The following MATK variants were observed in gnomAD, a reference collection of about 807,000 sequenced individuals.
MATK encodes megakaryocyte-associated tyrosine kinase.
Under a neutral mutation model 59.8 loss-of-function variants are expected in MATK, and 41 were observed. The observed-to-expected ratio is 0.69, with a 90% CI of 0.53 to 0.89. MATK has a LOEUF of 0.89. MATK is among the 40% of genes least tolerant of loss of function. The probability of loss-of-function intolerance (pLI) is 0.00; values close to 1 mark genes in which losing one functional copy is unlikely to be tolerated. For synonymous variants in MATK, 308 were observed against 306.1 expected (o/e 1.01, Z -0.06); for missense variants, 593 against 719.6 (o/e 0.82, Z 2.01).
At chr19:3,787,379 C>G (rs571320314), upstream of MATK, 43 of 149,140 alleles carry the variant, frequency 2.9e-4, no homozygotes, top group African/African-American at 1.0e-3. Flanking sequence ...GGCCACTTTG[C>G]CTTTTTTTTT....
chr19:3,790,057 A>G (rs67347528), upstream of MATK, among the ~76,000 whole-genome samples: 53,044 of 151,918 alleles, frequency 0.35, 9,555 homozygotes, highest in Admixed American at 0.42. Context: ...GCCCGCCACC[A>G]TGCCCAGCTA....
intron 8 of MATK, among the ~76,000 whole-genome samples, chr19:3,780,593 A>ATT (rs753906037): frequency 3.6e-4 from 44 of 122,214 alleles, no homozygotes; most frequent in Middle Eastern, 4.5e-3. Context: ...CGCCCGGCTA[A>ATT]TTTTTTTTTT....
At chr19:3,797,984 G>A (rs898575575) in intron 1 of MATK, among the ~76,000 whole-genome samples, 8 of 152,110 alleles carry the variant, frequency 5.3e-5, no homozygotes, top group Admixed American at 5.2e-4. Context: ...GAAGTTTGCA[G>A]TGAGCCAAGA....
At chr19:3,781,491 C>T in intron 8 of MATK, 116 bp downstream of exon 8, 1 of 1,084,592 alleles carries the variant, frequency 9.2e-7, no homozygotes, top group Non-Finnish European at 1.4e-6. Context: ...TGCACGTCTT[C>T]AGCTGCACAA....
rs769602662 is a variant in MATK, at chr19:3,781,595, TCC to T, written c.742+10_742+11del. 4 of 1,613,780 alleles carry T rather than the reference TCC, an allele frequency of 2.5e-6. No individual in the cohort carries two copies. In the South Asian group the frequency reaches 4.4e-5, roughly 18 times the overall value. ...TCTTCCTTCAGCACCCCCAACCCAG[TCC>T]GCCACTCACCTCCAAACTCTCCCTC... On this transcript the variant is annotated intron_variant, in intron 8 of 13. Transcript: ENST00000310132.
chr19:3,781,074 G>C (rs1261221867), intron 8 of MATK, among the ~76,000 whole-genome samples: 1 of 152,166 alleles, frequency 6.6e-6, no homozygotes, highest in Non-Finnish European at 1.5e-5. Context: ...CAAAAGATGA[G>C]TGCTGTTTCA....
rs747977154 is a variant in MATK at position 3,785,063 on chromosome 19, C to G, written c.72+1G>C. 5.6e-6 allele frequency: 9 copies of G among 1,613,860 alleles called. No homozygotes were observed. Among genetic ancestry groups the G allele is most frequent in the Non-Finnish European group, 1.7e-6 (2 of 1,179,902 alleles). On this transcript the variant is annotated splice_donor_variant, in intron 2 of 13. Transcript: ENST00000310132. LOFTEE classifies it high-confidence loss of function. The stretch of plus-strand genomic sequence containing the variant: ...AGCCCCTGTGGGGAAGTGATCTTTA[C>G]CCGGGGAAGTTCCTCAGCAGAATCA...
intron 1 of MATK, among the ~76,000 whole-genome samples, chr19:3,794,885 C>G (rs946317910): frequency 2.0e-5 from 3 of 151,998 alleles, no homozygotes; most frequent in African/African-American, 4.8e-5. Context: ...CCATAGATAA[C>G]ACAGAAGCCA....
chr19:3,793,592 CTCGGG>C (rs1014460298), intron 1 of MATK, among the ~76,000 whole-genome samples: 30 of 152,052 alleles, frequency 2.0e-4, no homozygotes, highest in African/African-American at 7.0e-4. Context: ...GTCCCAGCTA[CTCGGG>C]AGGCTGAGGC....
Position 3,781,678 on chromosome 19 carries a change from G to GA in MATK, c.677-7dup. On this transcript the variant is annotated splice_polypyrimidine_tract_variant and splice_region_variant and intron_variant, in intron 7 of 13. Transcript: ENST00000310132. ...CAGGTTCAGTAACCAGCCCGCTGTG[G>GA]AGTGAAGACCCAGTCAGAGGGGTAA... 6.2e-7 allele frequency: 1 copy of GA among 1,612,660 alleles called. No individual in the cohort carries two copies. Among genetic ancestry groups the GA allele is most frequent in the Non-Finnish European group, 8.5e-7 (1 of 1,179,746 alleles).
At chr19:3,796,545 T>C (rs2037596235) in intron 1 of MATK, among the ~76,000 whole-genome samples, 1 of 152,202 alleles carries the variant, frequency 6.6e-6, no homozygotes, top group African/African-American at 2.4e-5. Context: ...TTCTGGGACC[T>C]GCTTTTTTAT....
intron 1 of MATK, among the ~76,000 whole-genome samples, chr19:3,796,515 T>A (rs760327665): frequency 4.6e-5 from 7 of 152,158 alleles, no homozygotes; most frequent in Non-Finnish European, 1.0e-4. Flanking sequence ...AGTGGAGCAA[T>A]GTATACTAAG....
intron 8 of MATK, among the ~76,000 whole-genome samples, chr19:3,780,539 G>GC (rs1003864114): frequency 6.7e-6 from 1 of 150,246 alleles, no homozygotes; most frequent in African/African-American, 2.5e-5. Context: ...CCATTCTCCT[G>GC]CCTCAGCCTC....
At chr19:3,799,933 G>C (rs1453231986) in intron 1 of MATK, among the ~76,000 whole-genome samples, 7 of 151,762 alleles carry the variant, frequency 4.6e-5, no homozygotes, top group Admixed American at 4.6e-4. Context: ...ACGAGGTCAA[G>C]AGATCGAGAC....
In MATK at chr19:3,778,317, C is replaced by G. The variant is rs1484198609; in HGVS notation, c.1390G>C (p.Glu464Gln). The G allele has an allele frequency of 1.3e-6, 2 of 1,577,368 alleles. No individual in the cohort carries two copies. Among genetic ancestry groups the G allele is most frequent in the African/African-American group, 1.4e-5 (1 of 72,952 alleles). ...HVLMSSCWEA[E>Q]PARRPPFRKL... is the part of the protein sequence containing the mutation. ...CGGAAGGGTGGCCGGCGGGCGGGCT[C>G]TGCCTCCCAGCAGCTGCTCATGAGG... Residue 464 changes from glutamate (E) to glutamine (Q), a missense_variant, in exon 14 of 14, where the codon GAG (glutamate) becomes CAG (glutamine). Transcript: ENST00000310132.
chr19:3,789,959 T>C (rs2037524889), upstream of MATK, among the ~76,000 whole-genome samples: 1 of 150,644 alleles, frequency 6.6e-6, no homozygotes, highest in African/African-American at 2.4e-5. Flanking sequence ...TGGAGTGCAG[T>C]GGCGCGATCT....
At chr19:3,784,573 G>T (rs2037452585) in intron 3 of MATK, 122 bp from the exon 4 acceptor site, 1 of 712,570 alleles carries the variant, frequency 1.4e-6, no homozygotes, top group East Asian at 2.7e-5. Context: ...GAGCGGAGAG[G>T]CAGAGAAAAC....
chr19:3,794,773 C>T (rs2037577002), intron 1 of MATK, among the ~76,000 whole-genome samples: 1 of 152,102 alleles, frequency 6.6e-6, no homozygotes. Flanking sequence ...CCCTCTTCAT[C>T]CTCTCATGAC....
chr19:3,781,786 C>T, intron 7 of MATK, 114 bp from the exon 8 acceptor site: 2 of 832,236 alleles, frequency 2.4e-6, no homozygotes, highest in South Asian at 1.4e-5. Context: ...GCTGTGGATA[C>T]ACATTTGAGT....
Sources: allele counts gnomAD v4.1 joint callset (sites outside exome capture counted in the v4.1 genomes callset), GRCh38; gene constraint gnomAD v4.1.1; transcripts MANE v1.5; gene names NCBI Gene and HGNC (gene_info 2026-07-23, HGNC 2026-07-21).